The following STPG2 variants were observed in gnomAD, a reference collection of about 807,000 sequenced individuals.
STPG2 encodes sperm-tail PG-rich repeat-containing protein 2.
A neutral mutation model predicts 54.2 loss-of-function variants in STPG2; 56 were observed. The ratio of observed to expected loss-of-function variants is 1.03; its 90% CI spans 0.83 to 1.29. The LOEUF is 1.29. Among genes scored for constraint, STPG2 ranks in the 50% most tolerant of loss-of-function variants. STPG2 has a pLI of 0.00. For missense variants in STPG2, 596 were observed against 544.9 expected, an observed-to-expected ratio of 1.09 and a Z score of -0.93; for synonymous variants, 200 against 181.8, an observed-to-expected ratio of 1.10 and a Z score of -0.81.
intron 8 of STPG2, among the ~76,000 whole-genome samples, chr4:97,856,252 T>G (rs1419648362): frequency 6.6e-6 from 1 of 152,190 alleles, no homozygotes; most frequent in African/African-American, 2.4e-5. Flanking sequence ...ATAAATTACT[T>G]TGGGCAGAAT....
chr4:98,097,314 C>T (rs1180461629), intron 5 of STPG2, among the ~76,000 whole-genome samples: 2 of 152,098 alleles, frequency 1.3e-5, no homozygotes, highest in East Asian at 3.8e-4. Flanking sequence ...GATGCAAGAA[C>T]AGTTCAACAT....
chr4:97,776,412 T>C (rs1045815173), intron 9 of STPG2, among the ~76,000 whole-genome samples: 1 of 152,248 alleles, frequency 6.6e-6, no homozygotes, highest in Non-Finnish European at 1.5e-5. Flanking sequence ...AACCAACTCA[T>C]TATGCTTCCC....
At chr4:98,061,728 A>C (rs1033076822) in intron 5 of STPG2, among the ~76,000 whole-genome samples, 1 of 152,256 alleles carries the variant, frequency 6.6e-6, no homozygotes, top group Non-Finnish European at 1.5e-5. Flanking sequence ...AGAAATGCAA[A>C]TCAAAACCAC....
At chr4:97,683,028 A>G (rs1723079818) in intron 10 of STPG2, among the ~76,000 whole-genome samples, 1 of 151,772 alleles carries the variant, frequency 6.6e-6, no homozygotes, top group Admixed American at 6.6e-5. Flanking sequence ...ATTTTACCCT[A>G]TCTATAAGCT....
chr4:98,041,258 A>C (rs1372536214), intron 5 of STPG2, among the ~76,000 whole-genome samples: 1 of 151,892 alleles, frequency 6.6e-6, no homozygotes, highest in Non-Finnish European at 1.5e-5. Context: ...TTCTACACAC[A>C]ATTTCATATC....
At chr4:97,545,017 G>A (rs1006297916) in intron 4 of STPG2, among the ~76,000 whole-genome samples, 4 of 151,952 alleles carry the variant, frequency 2.6e-5, no homozygotes, top group Admixed American at 1.3e-4. Context: ...CAATTTTAAC[G>A]GGCAAGTAAT....
chr4:97,813,817 T>C (rs1211288839), intron 9 of STPG2, among the ~76,000 whole-genome samples: 1 of 147,380 alleles, frequency 6.8e-6, no homozygotes, highest in Non-Finnish European at 1.5e-5. Context: ...TATGAAAAAA[T>C]ACTAATGATT....
intron 8 of STPG2, among the ~76,000 whole-genome samples, chr4:97,855,304 T>C (rs1254297390): frequency 1.3e-5 from 2 of 152,196 alleles, no homozygotes; most frequent in Admixed American, 1.3e-4. Flanking sequence ...CAAATGGTAT[T>C]TCTGCCTCTC....
chr4:97,866,440 C>A (rs1729783720), intron 8 of STPG2, among the ~76,000 whole-genome samples: 1 of 151,954 alleles, frequency 6.6e-6, no homozygotes, highest in Non-Finnish European at 1.5e-5. Context: ...TTACATATTT[C>A]TCTTCCTCTC....
In STPG2 at chr4:98,061,048, A is replaced by T. The variant is rs549616637; in HGVS notation, c.612+44905T>A. ...CGAAGATGCCAAAAGCAATTGCAAT[A>T]AAAGCAAAAATTGACAAGTGGGATC... On this transcript the variant is annotated intron_variant, in intron 5 of 10. Transcript: ENST00000295268. Among the ~76,000 whole-genome samples the T allele has an allele frequency of 4.2e-3, 644 of 152,340 alleles. 3 individuals carry two copies. Among genetic ancestry groups the T allele is most frequent in the South Asian group, 0.024 (118 of 4,826 alleles).
chr4:97,495,665 G>T (rs1173187769), intron 4 of STPG2, among the ~76,000 whole-genome samples: 2 of 144,530 alleles, frequency 1.4e-5, no homozygotes, highest in African/African-American at 5.1e-5. Context: ...TACTTATTTT[G>T]CCAAATATTA....
chr4:97,578,639 A>G (rs1359107981), intron 10 of STPG2, among the ~76,000 whole-genome samples: 2 of 151,514 alleles, frequency 1.3e-5, no homozygotes, highest in African/African-American at 4.9e-5. Flanking sequence ...TGAACATAGC[A>G]GAGAGAAAAA....
rs56191723 is a variant in STPG2, at chr4:97,784,082, G to A, written c.1204+56691C>T. On this transcript the variant is annotated intron_variant, in intron 9 of 10. Transcript: ENST00000295268. The stretch of plus-strand genomic sequence containing the variant: ...TAAAGTATAATTAAAAAAAAAAAAA[G>A]AAAAAGAAAAAGGAAATCAGAAAGT... Among the ~76,000 whole-genome samples, 1,044 of 142,110 alleles carry A rather than the reference G, an allele frequency of 7.3e-3. 12 individuals are homozygous for A. Among genetic ancestry groups the A allele is most frequent in the African/African-American group, 0.025 (970 of 38,558 alleles). 93.2% of individuals were successfully genotyped at this position (142,110 alleles called of 152,430 possible).
intron 5 of STPG2, among the ~76,000 whole-genome samples, chr4:98,092,890 C>A (rs1738731988): frequency 6.6e-6 from 1 of 152,050 alleles, no homozygotes. Flanking sequence ...GCCAAAAGAA[C>A]TAAAATTTCC....
chr4:97,936,006 G>GGA (rs57100932), intron 8 of STPG2, among the ~76,000 whole-genome samples: 59,140 of 151,734 alleles, frequency 0.39, 11,608 homozygotes, highest in Middle Eastern at 0.46. Flanking sequence ...TTATTGTATG[G>GGA]GACTCTAAGT....
intron 5 of STPG2, 58 bp downstream of exon 5, chr4:98,105,895 C>G: frequency 7.0e-7 from 1 of 1,419,376 alleles, no homozygotes; most frequent in Non-Finnish European, 9.6e-7. Context: ...CTTGTGATAA[C>G]AGGATTCAAT....
chr4:98,142,952 G>C, intron 1 of STPG2, 90 bp downstream of exon 1: 2 of 1,086,968 alleles, frequency 1.8e-6, no homozygotes, highest in South Asian at 2.7e-5. Flanking sequence ...GTACTATTCC[G>C]CTCTATGTTT....
At chr4:98,086,595 T>C (rs1189028140) in intron 5 of STPG2, among the ~76,000 whole-genome samples, 1 of 146,112 alleles carries the variant, frequency 6.8e-6, no homozygotes, top group Non-Finnish European at 1.5e-5. Context: ...ATTTAAATAA[T>C]GATTTGCCAA....
At chr4:97,515,995 G>C (rs978547606) in intron 4 of STPG2, among the ~76,000 whole-genome samples, 4 of 152,090 alleles carry the variant, frequency 2.6e-5, no homozygotes, top group African/African-American at 9.7e-5. Context: ...GCAAACAGAT[G>C]ATGCAAGTGG....
Sources: allele counts gnomAD v4.1 joint callset (sites outside exome capture counted in the v4.1 genomes callset), GRCh38; gene constraint gnomAD v4.1.1; transcripts MANE v1.5; gene names NCBI Gene and HGNC (gene_info 2026-07-23, HGNC 2026-07-21).